The following HSD17B4 variants were observed in gnomAD, a reference collection of about 807,000 sequenced individuals.
HSD17B4 encodes peroxisomal multifunctional enzyme type 2.
HSD17B4 carries 70 observed loss-of-function variants against 101.0 expected under a neutral mutation model. The observed-to-expected ratio is 0.69, with a 90% CI of 0.57 to 0.85. The LOEUF is 0.85. Ranked by LOEUF, HSD17B4 falls within the 40% of genes least tolerant of loss-of-function variation. The probability of loss-of-function intolerance (pLI) is 0.00; values close to 1 mark genes in which losing one functional copy is unlikely to be tolerated. For missense variants in HSD17B4, 984 were observed against 892.4 expected, an observed-to-expected ratio of 1.10 and a Z score of -1.31; for synonymous variants, 347 against 297.1, an observed-to-expected ratio of 1.17 and a Z score of -1.73.
chr5:119,529,831 C>T, intron 20 of HSD17B4, 63 bp from the exon 21 acceptor site: 2 of 944,006 alleles, frequency 2.1e-6, no homozygotes, highest in African/African-American at 1.6e-5. Context: ...TGTACTGTTT[C>T]ACAGTGAAAT....
intron 8 of HSD17B4, among the ~76,000 whole-genome samples, chr5:119,480,977 C>T (rs1042032828): frequency 5.3e-5 from 8 of 152,142 alleles, no homozygotes; most frequent in Non-Finnish European, 7.4e-5. Context: ...TCTTATTCCC[C>T]GAACAATTGC....
intron 2 of HSD17B4, among the ~76,000 whole-genome samples, chr5:119,468,282 T>C (rs1756012497): frequency 6.6e-6 from 1 of 152,164 alleles, no homozygotes; most frequent in South Asian, 2.1e-4. Context: ...CCATAAGCAT[T>C]TCTTTTAAGA....
At chr5:119,482,893 T>C (rs772377779) in intron 8 of HSD17B4, among the ~76,000 whole-genome samples, 3 of 151,928 alleles carry the variant, frequency 2.0e-5, no homozygotes, top group African/African-American at 7.2e-5. Flanking sequence ...AAGACTTTTT[T>C]AGCCTTTTTT....
chr5:119,534,664 T>C (rs759226571), intron 22 of HSD17B4, among the ~76,000 whole-genome samples: 2 of 152,056 alleles, frequency 1.3e-5, no homozygotes, highest in African/African-American at 2.4e-5. Context: ...TTCCAAACAT[T>C]GGATTTGGAT....
chr5:119,503,427 G>T (rs1393092587), intron 14 of HSD17B4, among the ~76,000 whole-genome samples: 1 of 152,052 alleles, frequency 6.6e-6, no homozygotes, highest in Non-Finnish European at 1.5e-5. Context: ...TTCTCAGCCT[G>T]TGCATTTTCT....
Position 119,529,882 on chromosome 5 carries a change from TCTC to T in HSD17B4, c.1768-6_1768-4del, listed in dbSNP as rs755128532. ...ATCAGAATAAATCTTTTTTTTTTCT[TCTC>T]CTCCTAAGGTCCAAGAAACTGGAGA... On this transcript the variant is annotated splice_polypyrimidine_tract_variant and intron_variant, in intron 20 of 23. Coordinates refer to ENST00000510025, the MANE Select transcript of HSD17B4 (RefSeq NM_000414.4). 5 of 1,510,286 alleles carry T rather than the reference TCTC, an allele frequency of 3.3e-6. No homozygotes were observed. The highest frequency in any genetic ancestry group is 1.4e-5 in the African/African-American group (1 of 72,730). 93.6% of individuals were successfully genotyped at this position (1,510,286 alleles called of 1,614,324 possible).
intron 15 of HSD17B4, among the ~76,000 whole-genome samples, chr5:119,507,777 CTG>C (rs1389342605): frequency 2.2e-5 from 3 of 138,382 alleles, no homozygotes; most frequent in Non-Finnish European, 4.5e-5. Flanking sequence ...GAGCAAGACT[CTG>C]TACCAAAAAA....
chr5:119,452,540 T>C lies in HSD17B4; in HGVS notation c.-36T>C. ...TCCCGCAGTCGGCGTCCAGCGGCTC[T>C]GCTTGTTCGTGTGTGTGTCGTTGCA... On this transcript the variant is annotated 5_prime_UTR_variant, in exon 1 of 24. Coordinates refer to ENST00000510025, the MANE Select transcript of HSD17B4 (RefSeq NM_000414.4). 1.2e-6 allele frequency: 2 copies of C among 1,613,768 alleles called. No homozygotes were observed. The highest frequency in any genetic ancestry group is 1.7e-6 in the Non-Finnish European group (2 of 1,179,988).
In HSD17B4 at chr5:119,475,688, T is replaced by A. The variant is rs752877495; in HGVS notation, c.281-18T>A. The A allele has an allele frequency of 1.3e-6, 2 of 1,577,910 alleles. No homozygotes were observed. The highest frequency in any genetic ancestry group is 2.2e-5 in the South Asian group (2 of 90,094). On this transcript the variant is annotated intron_variant, in intron 4 of 23. Coordinates refer to ENST00000510025, the MANE Select transcript of HSD17B4 (RefSeq NM_000414.4). ...TATGCTTGCTTTTAGATGTAACTTG[T>A]ATCTTTTTATATTGTAGATGTTGTG...
chr5:119,524,536 T>G (rs1379117610), intron 17 of HSD17B4, among the ~76,000 whole-genome samples: 1 of 152,152 alleles, frequency 6.6e-6, no homozygotes, highest in African/African-American at 2.4e-5. Flanking sequence ...TTCCTTTCAG[T>G]GCTGGTAAGT....
chr5:119,478,491 G>A (rs552839088), intron 7 of HSD17B4, among the ~76,000 whole-genome samples: 10 of 152,176 alleles, frequency 6.6e-5, no homozygotes, highest in East Asian at 1.9e-4. Context: ...AGGGAGAGAG[G>A]CAAAGTGATG....
intron 2 of HSD17B4, among the ~76,000 whole-genome samples, chr5:119,467,522 A>T (rs1755928657): frequency 6.6e-6 from 1 of 152,198 alleles, no homozygotes; most frequent in African/African-American, 2.4e-5. Flanking sequence ...TGCTGAAATG[A>T]TACCTTTATC....
chr5:119,520,339 C>A (rs1253020310), intron 17 of HSD17B4, among the ~76,000 whole-genome samples: 1 of 152,024 alleles, frequency 6.6e-6, no homozygotes, highest in Non-Finnish European at 1.5e-5. Context: ...TTCGAATCTT[C>A]CCTACATGGC....
intron 14 of HSD17B4, among the ~76,000 whole-genome samples, chr5:119,504,641 T>C (rs1348119163): frequency 6.6e-6 from 1 of 152,168 alleles, no homozygotes; most frequent in African/African-American, 2.4e-5. Context: ...TGTTTTTTGC[T>C]TGTTGAACTA....
chr5:119,454,451 A>G (rs1264376846), intron 1 of HSD17B4, among the ~76,000 whole-genome samples: 1 of 151,796 alleles, frequency 6.6e-6, no homozygotes, highest in Non-Finnish European at 1.5e-5. Flanking sequence ...GACTGTAGGC[A>G]TGTGCCACCA....
At chr5:119,468,367 G>T (rs1756021394) in intron 2 of HSD17B4, among the ~76,000 whole-genome samples, 1 of 150,664 alleles carries the variant, frequency 6.6e-6, no homozygotes, top group South Asian at 2.1e-4. Flanking sequence ...ATTTCTGAAG[G>T]ATAGCTTGCT....
Position 119,542,006 on chromosome 5 carries a change from C to T in HSD17B4, c.*12C>T, listed in dbSNP as rs1453568605. 1 of 1,551,308 alleles carries T rather than the reference C, an allele frequency of 6.4e-7. No individual in the cohort carries two copies. On this transcript the variant is annotated 3_prime_UTR_variant, in exon 24 of 24. Coordinates refer to ENST00000510025, the MANE Select transcript of HSD17B4 (RefSeq NM_000414.4). ...ACGCCAAGCTCTGAAGGGCACACTACACTATTAATAAAAATGGAATCATTA... is the reference window on the plus strand; with the variant it reads ...ACGCCAAGCTCTGAAGGGCACACTATACTATTAATAAAAATGGAATCATTA...
At chr5:119,485,550 C>G (rs928205766) in intron 8 of HSD17B4, among the ~76,000 whole-genome samples, 9 of 151,870 alleles carry the variant, frequency 5.9e-5, no homozygotes, top group African/African-American at 1.7e-4. Flanking sequence ...TTTTTTCTTA[C>G]TCTTTTATAG....
Position 119,536,425 on chromosome 5 carries a change from A to G in HSD17B4, c.1996A>G (p.Ile666Val), listed in dbSNP as rs1386378115. ...KGGNIGAKWT[I>V]DLKSGSGKVY... ...TGGTTTCTTCCTATTTTTCCCAGCT[A>G]TTGACCTGAAAAGTGGTTCTGGAAA... Residue 666 changes from isoleucine to valine, a missense_variant and splice_region_variant, in exon 23 of 24, where the codon ATT (isoleucine) becomes GTT (valine). Transcript: ENST00000510025. The G allele has an allele frequency of 4.3e-6, 7 of 1,612,110 alleles. No homozygotes were observed. Among genetic ancestry groups the G allele is most frequent in the South Asian group, 2.2e-5 (2 of 91,062 alleles).
Sources: gnomAD v4.1 joint callset for allele counts (sites outside exome capture counted in the v4.1 genomes callset) on GRCh38, gnomAD v4.1.1 for gene constraint, MANE v1.5 for transcripts, NCBI Gene and HGNC (gene_info 2026-07-23, HGNC 2026-07-21) for gene names.